TMA16: variants seen among roughly 807,000 people sequenced by gnomAD.
TMA16 encodes translation machinery associated 16 homolog.
In TMA16, 26 loss-of-function variants were observed where a neutral mutation model predicts 27.1. That is an observed-to-expected ratio of 0.96 (90% CI 0.70 to 1.33). The LOEUF is 1.33. Among genes scored for constraint, TMA16 ranks in the 40% most tolerant of loss-of-function variants. The pLI is 0.00. For missense variants in TMA16, 233 were observed against 241.4 expected (o/e 0.97, Z 0.23); for synonymous variants, 71 against 81.9 (o/e 0.87, Z 0.72).
intron 4 of TMA16, 100 bp downstream of exon 4, chr4:163,514,258 A>G: frequency 1.1e-6 from 1 of 913,310 alleles, no homozygotes; most frequent in Admixed American, 2.8e-5. Context: ...CAGAAGAGCA[A>G]ATGGGCTTTG....
chr4:163,512,621 G>T, intron 2 of TMA16: 1 of 476,056 alleles, frequency 2.1e-6, no homozygotes, highest in Non-Finnish European at 3.8e-6. Flanking sequence ...GTGCTTAAAG[G>T]AAGTTTCTGA....
intron 3 of TMA16, among the ~76,000 whole-genome samples, chr4:163,513,508 G>A (rs1329615927): frequency 6.6e-6 from 1 of 152,100 alleles, no homozygotes; most frequent in African/African-American, 2.4e-5. Flanking sequence ...GGTGAATTTT[G>A]TTGGCTCTTT....
intron 4 of TMA16, 44 bp downstream of exon 4, chr4:163,514,202 T>A: frequency 6.8e-7 from 1 of 1,474,610 alleles, no homozygotes; most frequent in Non-Finnish European, 9.2e-7. Context: ...GAAAAGGGAA[T>A]TGTCCAGCCT....
chr4:163,516,564 T>C lies in TMA16; in HGVS notation c.389-870T>C, dbSNP rs549963041. ...AAATTTCATTTAACATTGTATTGAA[T>C]TGGCCAGATATTGGCAGCAGCCTTC... On this transcript the variant is annotated intron_variant, in intron 5 of 6. Coordinates refer to ENST00000358572, the MANE Select transcript of TMA16 (RefSeq NM_018352.3). Among the ~76,000 whole-genome samples the C allele has an allele frequency of 2.7e-4, 41 of 152,368 alleles. 2 individuals are homozygous for C. The South Asian group carries it at 7.9e-3, about 29-fold the overall frequency.
chr4:163,500,662 CAG>C (rs1478042993), intron 1 of TMA16, among the ~76,000 whole-genome samples: 2 of 152,208 alleles, frequency 1.3e-5, no homozygotes, highest in Non-Finnish European at 2.9e-5. Flanking sequence ...GGGACTGGCA[CAG>C]AGTTTTTGTT....
chr4:163,517,470 C>T lies in TMA16; in HGVS notation c.425C>T (p.Thr142Ile). The T allele has an allele frequency of 1.2e-6, 2 of 1,613,284 alleles. No homozygotes were observed. Among genetic ancestry groups the T allele is most frequent in the Non-Finnish European group, 1.7e-6 (2 of 1,179,622 alleles). Residue 142 changes from threonine (T) to isoleucine (I), a missense_variant, in exon 6 of 7, where the codon ACA becomes ATA. Coordinates refer to ENST00000358572, the MANE Select transcript of TMA16 (RefSeq NM_018352.3). The stretch of plus-strand genomic sequence containing the variant: ...ATTCTAAATGCAAGTAATCTGAAAA[C>T]ATTTAGGTGAGTCTGTCTTGTATTG... ...PDILNASNLK[T>I]FREWDFDLKK...
chr4:163,518,228 G>A (rs1246675407), intron 6 of TMA16, among the ~76,000 whole-genome samples: 1 of 152,106 alleles, frequency 6.6e-6, no homozygotes, highest in African/African-American at 2.4e-5. Flanking sequence ...GTGAGAACAT[G>A]TAGTATTTGG....
At position 163,508,281 on chromosome 4, in the gene TMA16, C is replaced by T. The variant is rs149503801; in HGVS notation, c.116+1136C>T. Among the ~76,000 whole-genome samples the T allele has an allele frequency of 5.0e-3, 755 of 152,258 alleles. 7 individuals are homozygous for T. Among genetic ancestry groups the T allele is most frequent in the African/African-American group, 0.017 (704 of 41,534 alleles). On this transcript the variant is annotated intron_variant, in intron 2 of 6. Coordinates refer to ENST00000358572, the MANE Select transcript of TMA16 (RefSeq NM_018352.3). ...AACTTATTAAAACTGTTTGTTCCAA[C>T]CCCTAGAATTTTCTATTCTGAAGGT...
intron 5 of TMA16, among the ~76,000 whole-genome samples, chr4:163,516,458 G>T (rs1217942916): frequency 6.6e-6 from 1 of 152,160 alleles, no homozygotes; most frequent in African/African-American, 2.4e-5. Context: ...CCCTCATACT[G>T]TTATTCTCTG....
Position 163,517,420 on chromosome 4 carries a change from A to G in TMA16, c.389-14A>G, listed in dbSNP as rs1181415379. 5 of 1,608,334 alleles carry G rather than the reference A, an allele frequency of 3.1e-6. No individual in the cohort carries two copies. The highest frequency in any genetic ancestry group is 2.6e-6 in the Non-Finnish European group (3 of 1,175,690). On this transcript the variant is annotated splice_polypyrimidine_tract_variant and intron_variant, in intron 5 of 6. Transcript: ENST00000358572. ...AAACATTGCCTCATGGAGATAAATT[A>G]CTTTCTTTTCCAGAGATTCCAGACA...
intron 1 of TMA16, among the ~76,000 whole-genome samples, chr4:163,499,491 T>A (rs1038159088): frequency 2.0e-5 from 3 of 152,108 alleles, no homozygotes; most frequent in African/African-American, 7.2e-5. Context: ...CAGAGTGATA[T>A]ACCAAATTTT....
intron 5 of TMA16, chr4:163,515,956 C>A (rs575007594): frequency 1.3e-5 from 2 of 155,126 alleles, no homozygotes; most frequent in African/African-American, 4.8e-5. Flanking sequence ...TAGTCCACAT[C>A]CAACCCGTCA....
rs543634512 is a variant in TMA16 at position 163,511,043 on chromosome 4, A to G, written c.117-1779A>G. ...ATTCAGTTTATAAGACGTTAGGTTA[A>G]CACACTTAAGATGTTTGCTTAAGTA... is the stretch of plus-strand genomic sequence containing the variant. On this transcript the variant is annotated intron_variant, in intron 2 of 6. Coordinates refer to ENST00000358572, the MANE Select transcript of TMA16 (RefSeq NM_018352.3). Among the ~76,000 whole-genome samples, 9 of 152,332 alleles carry G rather than the reference A, an allele frequency of 5.9e-5. No individual in the cohort carries two copies. In the South Asian group the frequency reaches 1.9e-3, roughly 32 times the overall value.
rs550800991 is a variant in TMA16 at position 163,519,672 on chromosome 4, T to G, written c.*158T>G. The G allele has an allele frequency of 8.6e-5, 62 of 719,178 alleles. No homozygotes were observed. In the African/African-American group the frequency reaches 1.1e-3, roughly 13 times the overall value. The allele number at this position is 719,178 out of a possible 1,614,324, so 44.5% of individuals were successfully genotyped here. On this transcript the variant is annotated 3_prime_UTR_variant, in exon 7 of 7. Coordinates refer to ENST00000358572, the MANE Select transcript of TMA16 (RefSeq NM_018352.3). ...TCAAAAATGGTGTTATGATACTTAT[T>G]TTAAAATGAAGATTGCTTTTCATTT...
intron 1 of TMA16, among the ~76,000 whole-genome samples, chr4:163,496,290 A>G (rs1018824795): frequency 4.6e-5 from 7 of 152,204 alleles, no homozygotes; most frequent in African/African-American, 1.7e-4. Context: ...TTGGGATAAC[A>G]ATAGTACCTA....
At chr4:163,498,779 C>T (rs1005434501) in intron 1 of TMA16, among the ~76,000 whole-genome samples, 3 of 152,158 alleles carry the variant, frequency 2.0e-5, no homozygotes, top group African/African-American at 7.2e-5. Flanking sequence ...CCTCTGTCTC[C>T]CCAGTAGCCA....
At position 163,519,560 on chromosome 4, in the gene TMA16, T is replaced by C. The variant is rs762667012; in HGVS notation, c.*46T>C. The C allele has an allele frequency of 1.4e-6, 2 of 1,476,014 alleles. No individual in the cohort carries two copies. Among genetic ancestry groups the C allele is most frequent in the Middle Eastern group, 1.7e-4 (1 of 5,778 alleles). 91.4% of individuals were successfully genotyped at this position (1,476,014 alleles called of 1,614,324 possible). A position where few individuals can be genotyped will look rare whatever the true frequency, so the allele number is the denominator to read the frequency against. On this transcript the variant is annotated 3_prime_UTR_variant, in exon 7 of 7. Coordinates refer to ENST00000358572, the MANE Select transcript of TMA16 (RefSeq NM_018352.3). ...AATAAATAATTTGAGAGCTTCAAATTATATTCATTGATTATGGTACCTAAT... is the reference window on the plus strand; with the variant it reads ...AATAAATAATTTGAGAGCTTCAAATCATATTCATTGATTATGGTACCTAAT...
chr4:163,516,061 A>T (rs1190754560), intron 5 of TMA16: 1 of 152,450 alleles, frequency 6.6e-6, no homozygotes, highest in Non-Finnish European at 1.5e-5. Context: ...TACTATGGTA[A>T]TAGCCTCCCA....
intron 1 of TMA16, among the ~76,000 whole-genome samples, chr4:163,498,078 T>C (rs1579013054): frequency 6.6e-6 from 1 of 152,176 alleles, no homozygotes; most frequent in East Asian, 1.9e-4. Context: ...TAAGTACATA[T>C]AGATCCACTT....
Sources: allele counts gnomAD v4.1 joint callset (sites outside exome capture counted in the v4.1 genomes callset), GRCh38; gene constraint gnomAD v4.1.1; transcripts MANE v1.5; gene names NCBI Gene and HGNC (gene_info 2026-07-23, HGNC 2026-07-21).